TIAM1: variants seen among roughly 807,000 people sequenced by gnomAD.
TIAM1 encodes rho guanine nucleotide exchange factor TIAM1.
Under a neutral mutation model 163.5 loss-of-function variants are expected in TIAM1, and 65 were observed. That is an observed-to-expected ratio of 0.40 (90% CI 0.33 to 0.49). The LOEUF is 0.49. Among genes scored for constraint, TIAM1 ranks in the 20% least tolerant of loss-of-function variants. TIAM1 has a pLI of 0.77. For missense variants in TIAM1, 1,789 were observed against 2,044.7 expected (o/e 0.87, Z 2.41); for synonymous variants, 833 against 810.1 (o/e 1.03, Z -0.48).
intron 2 of TIAM1, among the ~76,000 whole-genome samples, chr21:31,376,337 G>C (rs1170615877): frequency 6.6e-6 from 1 of 152,032 alleles, no homozygotes; most frequent in Non-Finnish European, 1.5e-5. Context: ...CAAACCATAG[G>C]TGCTATCTCA....
At chr21:31,152,092 C>T (rs1383242092) in intron 19 of TIAM1, among the ~76,000 whole-genome samples, 1 of 138,100 alleles carries the variant, frequency 7.2e-6, no homozygotes, top group Non-Finnish European at 1.5e-5. Context: ...GAGAGCAGTG[C>T]TGCAATCTCG....
At chr21:31,260,121 T>C (rs1872422617) in intron 4 of TIAM1, among the ~76,000 whole-genome samples, 1 of 149,160 alleles carries the variant, frequency 6.7e-6, no homozygotes. Context: ...TTTTTTTTTT[T>C]TTAGAGGCGA....
intron 1 of TIAM1, among the ~76,000 whole-genome samples, chr21:31,478,215 A>G (rs1187453255): frequency 1.3e-5 from 2 of 152,242 alleles, no homozygotes. Context: ...AACTAGACAC[A>G]TGTAAACTTT....
chr21:31,397,689 G>C (rs2077096669), intron 2 of TIAM1, among the ~76,000 whole-genome samples: 1 of 152,070 alleles, frequency 6.6e-6, no homozygotes, highest in African/African-American at 2.4e-5. Context: ...TCTGTTAGGG[G>C]GAGTCTTCCC....
chr21:31,549,124 GT>G (rs1376351877), intron 1 of TIAM1, among the ~76,000 whole-genome samples: 2 of 152,150 alleles, frequency 1.3e-5, no homozygotes, highest in South Asian at 2.1e-4. Flanking sequence ...GTGATTCAGA[GT>G]TTTTTTAAGT....
intron 1 of TIAM1, among the ~76,000 whole-genome samples, chr21:31,507,731 G>A (rs1398439519): frequency 2.0e-5 from 3 of 152,176 alleles, no homozygotes; most frequent in Non-Finnish European, 4.4e-5. Context: ...ATCACAGGCA[G>A]CTATCTGGAG....
chr21:31,383,581 T>C (rs2076816216), intron 2 of TIAM1, among the ~76,000 whole-genome samples: 2 of 152,198 alleles, frequency 1.3e-5, no homozygotes, highest in African/African-American at 4.8e-5. Flanking sequence ...CCACCAACAC[T>C]GTACACCTAT....
intron 2 of TIAM1, among the ~76,000 whole-genome samples, chr21:31,338,952 G>C (rs906813051): frequency 1.3e-5 from 2 of 152,036 alleles, no homozygotes; most frequent in African/African-American, 4.8e-5. Context: ...TAGTATCATG[G>C]GGGCAGACAA....
chr21:31,540,071 A>G (rs1243499446), intron 1 of TIAM1, among the ~76,000 whole-genome samples: 2 of 152,084 alleles, frequency 1.3e-5, no homozygotes, highest in Non-Finnish European at 2.9e-5. Flanking sequence ...GGCCTAGCAC[A>G]AGGGAAAGGA....
At chr21:31,209,916 G>T in intron 11 of TIAM1, 129 bp downstream of exon 11, 2 of 926,562 alleles carry the variant, frequency 2.2e-6, no homozygotes, top group East Asian at 2.6e-5. Flanking sequence ...ATGCTGCTCC[G>T]AAATGAAAGG....
At chr21:31,299,262 C>G (rs1182042959) in intron 2 of TIAM1, among the ~76,000 whole-genome samples, 1 of 152,118 alleles carries the variant, frequency 6.6e-6, no homozygotes, top group East Asian at 1.9e-4. Context: ...AAAATAAATG[C>G]CCCTCCCCTA....
chr21:31,431,763 C>T (rs186880372), intron 2 of TIAM1, among the ~76,000 whole-genome samples: 2 of 152,274 alleles, frequency 1.3e-5, no homozygotes, highest in East Asian at 1.9e-4. Flanking sequence ...GTCCTGAATA[C>T]TGCAGGCAAC....
chr21:31,433,959 G>A (rs568490805), intron 2 of TIAM1, among the ~76,000 whole-genome samples: 15 of 151,950 alleles, frequency 9.9e-5, no homozygotes, highest in Admixed American at 9.2e-4. Context: ...CACCACACCC[G>A]GCTAATTTTT....
chr21:31,371,765 A>G (rs1173103916), intron 2 of TIAM1, among the ~76,000 whole-genome samples: 2 of 152,200 alleles, frequency 1.3e-5, no homozygotes, highest in Non-Finnish European at 2.9e-5. Flanking sequence ...GACAAATAAG[A>G]GGAAGGACAG....
chr21:31,164,262 T>C (rs529681033), intron 16 of TIAM1, among the ~76,000 whole-genome samples: 25 of 151,912 alleles, frequency 1.6e-4, no homozygotes, highest in Admixed American at 5.2e-4. Flanking sequence ...TGGTGGCGGG[T>C]GCCTGTAGTC....
chr21:31,254,633 G>A (rs1477746803), intron 4 of TIAM1, among the ~76,000 whole-genome samples: 1 of 152,254 alleles, frequency 6.6e-6, no homozygotes, highest in East Asian at 1.9e-4. Context: ...CCAGGAAGTG[G>A]AGGTTGCAGT....
intron 1 of TIAM1, among the ~76,000 whole-genome samples, chr21:31,536,488 G>A (rs1258652620): frequency 6.6e-6 from 1 of 152,196 alleles, no homozygotes; most frequent in Non-Finnish European, 1.5e-5. Flanking sequence ...GAGTCTTCAG[G>A]ACAGCCGGGA....
intron 5 of TIAM1, among the ~76,000 whole-genome samples, chr21:31,247,850 G>C (rs761085577): frequency 4.6e-5 from 7 of 152,146 alleles, no homozygotes; most frequent in Non-Finnish European, 7.4e-5. Flanking sequence ...AGAATAATCT[G>C]TACCTCCTAT....
intron 8 of TIAM1, among the ~76,000 whole-genome samples, chr21:31,219,918 A>G (rs984616811): frequency 1.3e-5 from 2 of 152,216 alleles, no homozygotes; most frequent in Non-Finnish European, 2.9e-5. Flanking sequence ...CTCTATTTTC[A>G]TCACTTTCTC....
Sources: gnomAD v4.1 joint callset for allele counts (sites outside exome capture counted in the v4.1 genomes callset) on GRCh38, gnomAD v4.1.1 for gene constraint, MANE v1.5 for transcripts, NCBI Gene and HGNC (gene_info 2026-07-23, HGNC 2026-07-21) for gene names.